CEP350: variants seen among roughly 807,000 people sequenced by gnomAD.
CEP350 encodes centrosome-associated protein 350.
Under a neutral mutation model 331.8 loss-of-function variants are expected in CEP350, and 126 were observed. That is an observed-to-expected ratio of 0.38 (90% CI 0.33 to 0.44). The LOEUF (loss-of-function observed/expected upper bound fraction) is 0.44, where lower values mean the gene tolerates loss of function less well. Among genes scored for constraint, CEP350 ranks in the 20% least tolerant of loss-of-function variants. The probability of loss-of-function intolerance (pLI) is 1.00; values close to 1 mark genes in which losing one functional copy is unlikely to be tolerated. For missense variants in CEP350, 3,406 were observed against 3,634.6 expected (o/e 0.94, Z 1.62); for synonymous variants, 1,200 against 1,259.5 (o/e 0.95, Z 1.00).
At position 180,093,055 on chromosome 1, in the gene CEP350, T is replaced by C. The variant is rs267598215; in HGVS notation, c.6950T>C (p.Leu2317Ser). 1 of 1,606,376 alleles carries C rather than the reference T, an allele frequency of 6.2e-7. No individual in the cohort carries two copies. The highest frequency in any genetic ancestry group is 8.5e-7 in the Non-Finnish European group (1 of 1,175,800). The stretch of plus-strand genomic sequence containing the variant: ...AATGTTCAGAAAGACCTAGTTGGAT[T>C]AGCTATTGAAAATCTCCATAAAAGT... ...SENVQKDLVG[L>S]AIENLHKSEE... Residue 2317 changes from leucine to serine, a missense_variant, in exon 34 of 38, where the codon TTA (leucine) becomes TCA (serine). Leu to Ser is a moderately radical substitution (Grantham distance 145, BLOSUM62 -2). Transcript: ENST00000367607.
intron 1 of CEP350, among the ~76,000 whole-genome samples, chr1:179,981,847 A>G (rs1652290380): frequency 6.6e-6 from 1 of 152,092 alleles, no homozygotes; most frequent in South Asian, 2.1e-4. Flanking sequence ...AAATAAAAAA[A>G]AAATTAACCG....
At chr1:179,992,032 T>C in intron 4 of CEP350, 30 bp from the exon 5 acceptor site, 1 of 1,499,308 alleles carries the variant, frequency 6.7e-7, no homozygotes, top group Non-Finnish European at 8.8e-7. Context: ...TTTTATATTA[T>C]ATGTTCTCAC....
chr1:179,995,421 A>G (rs917505989), intron 5 of CEP350, among the ~76,000 whole-genome samples: 3 of 152,072 alleles, frequency 2.0e-5, no homozygotes, highest in Admixed American at 1.3e-4. Context: ...GCCAACCAAC[A>G]TGGTGAAACC....
intron 1 of CEP350, among the ~76,000 whole-genome samples, chr1:179,966,652 T>C (rs147357432): frequency 3.2e-4 from 49 of 152,276 alleles, no homozygotes; most frequent in African/African-American, 1.1e-3. Flanking sequence ...TTCAGTATTA[T>C]CATTTATACT....
At chr1:180,069,440 A>G (rs1405357035) in intron 27 of CEP350, among the ~76,000 whole-genome samples, 2 of 152,186 alleles carry the variant, frequency 1.3e-5, no homozygotes, top group Non-Finnish European at 1.5e-5. Flanking sequence ...TTTTAATTAG[A>G]TTGTCTTAAA....
chr1:180,056,061 A>G (rs1037196026), intron 25 of CEP350, among the ~76,000 whole-genome samples: 1 of 152,186 alleles, frequency 6.6e-6, no homozygotes, highest in African/African-American at 2.4e-5. Flanking sequence ...CCTTTGAAGT[A>G]TAAAATTTTT....
At chr1:180,019,153 G>A (rs1655159874) in intron 11 of CEP350, among the ~76,000 whole-genome samples, 1 of 152,034 alleles carries the variant, frequency 6.6e-6, no homozygotes, top group African/African-American at 2.4e-5. Flanking sequence ...CGCTGTTCCT[G>A]GCCTGTTCCT....
Position 180,020,645 on chromosome 1 carries a change from C to T in CEP350, c.2871C>T (p.Asp957=), listed in dbSNP as rs1382271077. The change falls in exon 12 of 38, where the codon GAC becomes GAT. Residue 957 remains aspartate, a synonymous_variant. Transcript: ENST00000367607. ...CACAGTTATGTAAAAGGCAGACTGA[C>T]TCTTCTAGCTCTGATATGCAAGCCT... ...LLAQLCKRQT[D]SSSSDMQACS... The T allele has an allele frequency of 6.2e-7, 1 of 1,614,000 alleles. No individual in the cohort carries two copies. Among genetic ancestry groups the T allele is most frequent in the Non-Finnish European group, 8.5e-7 (1 of 1,179,898 alleles).
chr1:180,046,726 A>G (rs1657147088), intron 21 of CEP350, among the ~76,000 whole-genome samples: 3 of 152,226 alleles, frequency 2.0e-5, no homozygotes. Context: ...TACAGTCCTC[A>G]CCAATGCTTG....
At chr1:180,037,136 G>T (rs200808336) in intron 17 of CEP350, 47 bp downstream of exon 17, 19 of 1,477,222 alleles carry the variant, frequency 1.3e-5, no homozygotes, top group Admixed American at 2.6e-5. Context: ...TTTTTTCTTC[G>T]CTATTTAAAA....
chr1:180,093,872 G>A lies in CEP350; in HGVS notation c.7767G>A (p.Gln2589=). 1 of 1,613,834 alleles carries A rather than the reference G, an allele frequency of 6.2e-7. No homozygotes were observed. Among genetic ancestry groups the A allele is most frequent in the East Asian group, 2.2e-5 (1 of 44,878 alleles). ...DEDCYSDERY[Q]CYNQEQNDTE... The stretch of plus-strand genomic sequence containing the variant: ...ACTGTTACTCAGATGAACGATATCA[G>A]TGCTATAATCAAGAGCAAAATGATA... The change falls in exon 34 of 38, where the codon CAG becomes CAA. Residue 2589 remains glutamine, a synonymous_variant. Transcript: ENST00000367607.
intron 30 of CEP350, among the ~76,000 whole-genome samples, chr1:180,082,828 G>A (rs1659657784): frequency 6.6e-6 from 1 of 152,150 alleles, no homozygotes; most frequent in Non-Finnish European, 1.5e-5. Flanking sequence ...CTGTAAGAGT[G>A]TAGTGGTGTA....
At chr1:179,978,664 TAAC>T (rs1652056054) in intron 1 of CEP350, among the ~76,000 whole-genome samples, 1 of 152,178 alleles carries the variant, frequency 6.6e-6, no homozygotes, top group African/African-American at 2.4e-5. Context: ...CTTATTGACT[TAAC>T]ATAACGTCCT....
In CEP350 at chr1:180,014,080, A is replaced by T. The variant is rs1398719344; in HGVS notation, c.1627A>T (p.Thr543Ser). The change falls in exon 10 of 38, where the codon ACT (threonine) becomes TCT (serine). Residue 543 changes from threonine to serine, a missense_variant. Physicochemically the swap from Thr to Ser is moderately conservative, Grantham distance 58. Coordinates refer to ENST00000367607, the MANE Select transcript of CEP350 (RefSeq NM_014810.5). ...DDLQLDSTAH[T>S]AKQDTVELQN... ...CCTACAGCTGGATTCTACAGCTCACACTGCAAAGCAAGATACTGTAGAGTT... is the reference window on the plus strand; with the variant it reads ...CCTACAGCTGGATTCTACAGCTCACTCTGCAAAGCAAGATACTGTAGAGTT... 1.9e-6 allele frequency: 3 copies of T among 1,611,760 alleles called. No homozygotes were observed. Among genetic ancestry groups the T allele is most frequent in the Non-Finnish European group, 2.5e-6 (3 of 1,178,770 alleles).
At position 180,095,672 on chromosome 1, in the gene CEP350, A is replaced by G. The variant is rs778838559; in HGVS notation, c.8661A>G (p.Gln2887=). ...DFGLSSSHKI[Q]KNKAEETIVP... ...GTTTGAGCTCTTCTCACAAGATCCA[A>G]AAAAATAAGGCAGAAGAAACCATTG... Residue 2887 remains glutamine (Q), a synonymous_variant, in exon 35 of 38, where the codon CAA becomes CAG. Coordinates refer to ENST00000367607, the MANE Select transcript of CEP350 (RefSeq NM_014810.5). The G allele has an allele frequency of 1.2e-4, 187 of 1,613,994 alleles. No homozygotes were observed. The highest frequency in any genetic ancestry group is 1.5e-4 in the Non-Finnish European group (181 of 1,179,884).
At chr1:180,073,478 C>G (rs1391964061) in intron 27 of CEP350, among the ~76,000 whole-genome samples, 2 of 152,130 alleles carry the variant, frequency 1.3e-5, no homozygotes, top group Admixed American at 6.5e-5. Flanking sequence ...TAATTGAAAA[C>G]TAATTTAGTC....
chr1:180,074,994 C>CA (rs1387709632), intron 27 of CEP350, 28 bp from the exon 28 acceptor site: 3 of 1,571,288 alleles, frequency 1.9e-6, no homozygotes, highest in Non-Finnish European at 1.7e-6. Flanking sequence ...TTTTTTCTCT[C>CA]AAACTGTTCT....
At chr1:180,036,290 A>T (rs1185872070) in intron 16 of CEP350, among the ~76,000 whole-genome samples, 1 of 152,248 alleles carries the variant, frequency 6.6e-6, no homozygotes, top group Non-Finnish European at 1.5e-5. Flanking sequence ...TGTAAATATT[A>T]CATAAACTTT....
rs59268913 is a variant in CEP350 at position 179,989,482 on chromosome 1, CA to C, written c.121-1008del. On this transcript the variant is annotated intron_variant, in intron 3 of 37. Coordinates refer to ENST00000367607, the MANE Select transcript of CEP350 (RefSeq NM_014810.5). ...TGGGTGACAGAGTGAGACCCTGTCT[CA>C]AAAAAAAAAAAAAAAATCTGAAGGA... Among the ~76,000 whole-genome samples the C allele has an allele frequency of 7.4e-3, 891 of 121,022 alleles. 1 individual carries two copies. Among genetic ancestry groups the C allele is most frequent in the South Asian group, 0.012 (44 of 3,724 alleles). 79.4% of individuals were successfully genotyped at this position (121,022 alleles called of 152,430 possible).
Sources: allele counts gnomAD v4.1 joint callset (sites outside exome capture counted in the v4.1 genomes callset), GRCh38; gene constraint gnomAD v4.1.1; transcripts MANE v1.5; gene names NCBI Gene and HGNC (gene_info 2026-07-23, HGNC 2026-07-21).